The following BABAM2 variants were observed in gnomAD, a reference collection of about 807,000 sequenced individuals.
BABAM2 encodes the protein BRISC and BRCA1 A complex member 2.
Under a neutral mutation model 54.7 loss-of-function variants are expected in BABAM2, and 31 were observed. That is an observed-to-expected ratio of 0.57 (90% CI 0.43 to 0.77). The LOEUF (loss-of-function observed/expected upper bound fraction) is 0.77, where lower values mean the gene tolerates loss of function less well. BABAM2 is among the 30% of genes least tolerant of loss of function. The probability of loss-of-function intolerance (pLI) is 0.00; values close to 1 mark genes in which losing one functional copy is unlikely to be tolerated. For synonymous variants in BABAM2, 167 were observed against 162.9 expected (o/e 1.03, Z -0.19); for missense variants, 364 against 455.8 (o/e 0.80, Z 1.83).
chr2:28,215,713 C>T (rs1425431685), intron 7 of BABAM2, among the ~76,000 whole-genome samples: 1 of 152,130 alleles, frequency 6.6e-6, no homozygotes, highest in Non-Finnish European at 1.5e-5. Flanking sequence ...TTCTCACTCC[C>T]TGTTTTTTAG....
Position 28,053,415 on chromosome 2 carries a change from T to C in BABAM2, c.570+7616T>C, listed in dbSNP as rs2148625522. 1.3e-5 allele frequency among the ~76,000 whole-genome samples: 2 copies of C among 152,280 alleles called. 1 individual carries two copies. Among genetic ancestry groups the C allele is most frequent in the South Asian group, 4.1e-4 (2 of 4,824 alleles). On this transcript the variant is annotated intron_variant, in intron 6 of 11. Transcript: ENST00000379624. ...CATCTTCTTATCTTAAAGGAAATAA[T>C]TTCTGTCTAATCAAATAGGAGTGGG...
chr2:28,236,866 C>T (rs1681963868), intron 7 of BABAM2, among the ~76,000 whole-genome samples: 2 of 152,014 alleles, frequency 1.3e-5, no homozygotes, highest in Admixed American at 6.6e-5. Flanking sequence ...TTATCTGTGC[C>T]CAGCAAAGAA....
chr2:27,933,764 GTT>G (rs59022185), intron 3 of BABAM2, among the ~76,000 whole-genome samples: 2 of 110,868 alleles, frequency 1.8e-5, no homozygotes, highest in African/African-American at 3.7e-5. Context: ...TGCCTGGCTT[GTT>G]TTTTTTTTTT....
At chr2:28,195,793 C>T (rs1359814362) in intron 7 of BABAM2, among the ~76,000 whole-genome samples, 3 of 152,188 alleles carry the variant, frequency 2.0e-5, no homozygotes, top group Admixed American at 6.5e-5. Flanking sequence ...ACAATTTTCT[C>T]ATAAAATAGT....
At chr2:28,112,849 C>T (rs1668257122) in intron 6 of BABAM2, among the ~76,000 whole-genome samples, 3 of 152,214 alleles carry the variant, frequency 2.0e-5, no homozygotes, top group Admixed American at 6.5e-5. Flanking sequence ...TATTTCTCCA[C>T]ATCCTTGCCA....
chr2:28,227,297 G>A (rs1433155691), intron 7 of BABAM2, among the ~76,000 whole-genome samples: 1 of 152,102 alleles, frequency 6.6e-6, no homozygotes, highest in Non-Finnish European at 1.5e-5. Context: ...CCCCTCACCA[G>A]TAGGCACCCT....
rs141025379 is a variant in BABAM2 at position 27,917,307 on chromosome 2, C to T, written c.129-12525C>T. On this transcript the variant is annotated intron_variant, in intron 2 of 11. Coordinates refer to ENST00000379624, the MANE Select transcript of BABAM2 (RefSeq NM_199191.3). ...GTGGAATTATAGGCGTGAGCCACCACGCCCGGCCCAAAGTGTTTTTTTAAA... is the reference window on the plus strand; with the variant it reads ...GTGGAATTATAGGCGTGAGCCACCATGCCCGGCCCAAAGTGTTTTTTTAAA... Among the ~76,000 whole-genome samples the T allele has an allele frequency of 3.5e-3, 533 of 152,308 alleles. 1 individual carries two copies. The highest frequency in any genetic ancestry group is 0.012 in the African/African-American group (506 of 41,552).
chr2:28,060,251 G>A (rs567880627), intron 6 of BABAM2, among the ~76,000 whole-genome samples: 4 of 152,052 alleles, frequency 2.6e-5, no homozygotes, highest in African/African-American at 9.7e-5. Context: ...GAAAAATCAT[G>A]TGATTATCTC....
chr2:28,226,539 G>C (rs1229878449), intron 7 of BABAM2, among the ~76,000 whole-genome samples: 2 of 152,144 alleles, frequency 1.3e-5, no homozygotes, highest in African/African-American at 4.8e-5. Flanking sequence ...GAGGAGTCAT[G>C]GGGGGAGATG....
intron 11 of BABAM2, among the ~76,000 whole-genome samples, chr2:28,303,253 A>C (rs1440528184): frequency 6.6e-6 from 1 of 152,192 alleles, no homozygotes; most frequent in African/African-American, 2.4e-5. Context: ...TTGTATACTC[A>C]AAATTATTAG....
intron 10 of BABAM2, among the ~76,000 whole-genome samples, chr2:28,287,836 G>A (rs1251420297): frequency 2.6e-5 from 4 of 152,196 alleles, no homozygotes; most frequent in African/African-American, 4.8e-5. Context: ...GGCAGGAGGT[G>A]CAGAGTTCAC....
chr2:28,085,433 G>T (rs951308508), intron 6 of BABAM2, among the ~76,000 whole-genome samples: 1 of 152,110 alleles, frequency 6.6e-6, no homozygotes, highest in Admixed American at 6.5e-5. Flanking sequence ...ACCTCATAAA[G>T]AAGTCATTTT....
intron 7 of BABAM2, among the ~76,000 whole-genome samples, chr2:28,217,102 TATG>T (rs1679990943): frequency 6.6e-6 from 1 of 152,158 alleles, no homozygotes; most frequent in South Asian, 2.1e-4. Context: ...TCTTTGACAT[TATG>T]ATATTTCTGT....
At chr2:28,200,145 C>T (rs1398419165) in intron 7 of BABAM2, among the ~76,000 whole-genome samples, 1 of 152,166 alleles carries the variant, frequency 6.6e-6, no homozygotes, top group Non-Finnish European at 1.5e-5. Flanking sequence ...AGGCTGTTGA[C>T]AGTGATTGAC....
At chr2:28,143,990 A>G (rs1671285272) in intron 7 of BABAM2, among the ~76,000 whole-genome samples, 1 of 152,196 alleles carries the variant, frequency 6.6e-6, no homozygotes, top group African/African-American at 2.4e-5. Flanking sequence ...GCAAAGGCAC[A>G]CACTGGTTAA....
At chr2:28,228,714 A>G (rs1010085135) in intron 7 of BABAM2, among the ~76,000 whole-genome samples, 24 of 152,242 alleles carry the variant, frequency 1.6e-4, no homozygotes, top group African/African-American at 5.8e-4. Flanking sequence ...ACTGGGCATC[A>G]TTACAAGTAG....
chr2:27,983,946 T>TTTTTTTTTTTTTTC (rs1553405777), intron 3 of BABAM2, among the ~76,000 whole-genome samples: 3 of 136,432 alleles, frequency 2.2e-5, no homozygotes, highest in Non-Finnish European at 4.8e-5. Flanking sequence ...TTGTACCTTT[T>TTTTTTTTTTTTTTC]TTTTTTTTTT....
chr2:28,271,918 A>G (rs1685458442), intron 10 of BABAM2, among the ~76,000 whole-genome samples: 1 of 152,242 alleles, frequency 6.6e-6, no homozygotes, highest in South Asian at 2.1e-4. Context: ...TTCTAGGCAC[A>G]TGGTGGAATG....
intron 10 of BABAM2, among the ~76,000 whole-genome samples, chr2:28,250,449 A>G (rs374645729): frequency 4.8e-4 from 72 of 151,138 alleles, no homozygotes; most frequent in African/African-American, 1.7e-3. Context: ...GGTAAAATAT[A>G]GCAACATTGC....
Sources: allele counts gnomAD v4.1 joint callset (sites outside exome capture counted in the v4.1 genomes callset), GRCh38; gene constraint gnomAD v4.1.1; transcripts MANE v1.5; gene names NCBI Gene and HGNC (gene_info 2026-07-23, HGNC 2026-07-21).